Variants in IGSF9 observed in about 807,000 individuals in gnomAD.
The protein encoded by IGSF9 is immunoglobulin superfamily member 9, also known as protein turtle homolog A.
A neutral mutation model predicts 121.7 loss-of-function variants in IGSF9; 87 were observed. The observed-to-expected ratio is 0.71, with a 90% CI of 0.60 to 0.85. The LOEUF is 0.85. Ranked by LOEUF, IGSF9 falls within the 40% of genes least tolerant of loss-of-function variation. The pLI is 0.00. For synonymous variants in IGSF9, 640 were observed against 648.4 expected, an observed-to-expected ratio of 0.99 and a Z score of 0.20; for missense variants, 1,462 against 1,565.3, an observed-to-expected ratio of 0.93 and a Z score of 1.11.
In IGSF9 at chr1:159,942,953, G is replaced by A. The variant is rs751237416; in HGVS notation, c.247+10C>T. 3.7e-6 allele frequency: 6 copies of A among 1,609,950 alleles called. No individual in the cohort carries two copies. In the South Asian group the frequency reaches 6.6e-5, roughly 18 times the overall value. On this transcript the variant is annotated intron_variant, in intron 3 of 20. Coordinates refer to ENST00000368094, the MANE Select transcript of IGSF9 (RefSeq NM_001135050.2). ...TACCTCCCTACCTCCCACCTGAGGA[G>A]AACTCTTACCCACGTAATCAGGGTC...
At position 159,928,267 on chromosome 1, in the gene IGSF9, G is replaced by A; in HGVS notation, c.3121C>T (p.Pro1041Ser). 1 of 1,613,116 alleles carries A rather than the reference G, an allele frequency of 6.2e-7. No individual in the cohort carries two copies. The highest frequency in any genetic ancestry group is 2.2e-5 in the East Asian group (1 of 44,878). ...ASFLRPPSTA[P>S]SAGGSYLSPA... ...CTGAGGTAGCTGCCTCCTGCAGAGG[G>A]GGCTGTGGAGGGGGGCCGCAGGAAC... Residue 1041 changes from proline to serine, a missense_variant, in exon 19 of 21, where the codon CCC becomes TCC. Around this residue, in one of 3 missense-constraint regions of IGSF9, gnomAD observed 808 missense variants for 815.2 expected, o/e 0.99. Coordinates refer to ENST00000368094, the MANE Select transcript of IGSF9 (RefSeq NM_001135050.2).
rs755362848 is a variant in IGSF9, at chr1:159,932,503, C to T, written c.1245+9G>A. On this transcript the variant is annotated intron_variant, in intron 10 of 20. Coordinates refer to ENST00000368094, the MANE Select transcript of IGSF9 (RefSeq NM_001135050.2). The surrounding 1 kb of genome is among the most constrained non-coding windows in gnomAD (Gnocchi z 4.1). The stretch of plus-strand genomic sequence containing the variant: ...GTCACCACAGGCCCCCGCCCACCCC[C>T]GGCCTAACCTTGAGCAGCACGCGGG... 15 of 1,613,598 alleles carry T rather than the reference C, an allele frequency of 9.3e-6. No homozygotes were observed. Among genetic ancestry groups the T allele is most frequent in the African/African-American group, 1.3e-5 (1 of 74,870 alleles).
In IGSF9 at chr1:159,936,402, GCACT is replaced by G. The variant is rs772529772; in HGVS notation, c.666_669del (p.Val223Ter). On this transcript the variant is annotated frameshift_variant, in exon 6 of 21. Coordinates refer to ENST00000368094, the MANE Select transcript of IGSF9 (RefSeq NM_001135050.2). LOFTEE classifies it high-confidence loss of function. The stretch of plus-strand genomic sequence containing the variant: ...CAGCCCTCCCGCCAGAGAGCACCTA[GCACT>G]AGCAGCTGGGTGGCGTGGGTGGCGC... 6.2e-7 allele frequency: 1 copy of G among 1,613,566 alleles called. No individual in the cohort carries two copies. The highest frequency in any genetic ancestry group is 8.5e-7 in the Non-Finnish European group (1 of 1,179,594).
chr1:159,929,351 G>C lies in IGSF9; in HGVS notation c.2369C>G (p.Pro790Arg). Residue 790 changes from proline (P) to arginine (R), a missense_variant and splice_region_variant, in exon 18 of 21, where the codon CCC (proline) becomes CGC (arginine). This residue lies in a region of IGSF9 where 808 missense variants were observed against 815.2 expected (regional missense o/e 0.99). Transcript: ENST00000368094. ...IFSPTGKSAA[P>R]SALGSGSPDS... ...AAGCCAAGGAGGTGGAGGCACTTAC[G>C]GTGCAGCTGACTTCCCGGTCGGAGA... is the stretch of plus-strand genomic sequence containing the variant. 1 of 1,614,062 alleles carries C rather than the reference G, an allele frequency of 6.2e-7. No individual in the cohort carries two copies. Among genetic ancestry groups the C allele is most frequent in the Non-Finnish European group, 8.5e-7 (1 of 1,179,916 alleles).
intron 4 of IGSF9, 109 bp from the exon 5 acceptor site, chr1:159,937,017 G>T: frequency 1.8e-6 from 2 of 1,123,898 alleles, no homozygotes; most frequent in Non-Finnish European, 1.3e-6. Flanking sequence ...CCACCCACCA[G>T]CCCTGCCTCA....
Position 159,936,791 on chromosome 1 carries a change from C to A in IGSF9, c.518G>T (p.Arg173Leu). The A allele has an allele frequency of 2.5e-6, 4 of 1,614,218 alleles. No individual in the cohort carries two copies. The South Asian group carries it at 4.4e-5, about 18-fold the overall frequency. The part of the protein sequence containing the change: ...SPLPHVTWKL[R>L]GKDLGQGQGQ... ...CTGGCCCTGGCCAAGGTCCTTTCCTCGGAGCTTCCACGTCACATGAGGCAG... is the reference window on the plus strand; with the variant it reads ...CTGGCCCTGGCCAAGGTCCTTTCCTAGGAGCTTCCACGTCACATGAGGCAG... The change falls in exon 5 of 21, where the codon CGA (arginine) becomes CTA (leucine). Residue 173 changes from arginine to leucine, a missense_variant. Around this residue, in one of 3 missense-constraint regions of IGSF9, gnomAD observed 558 missense variants for 599.4 expected, o/e 0.93. Transcript: ENST00000368094.
chr1:159,943,762 G>A (rs1571223243), intron 1 of IGSF9, 134 bp from the exon 2 acceptor site: 1 of 342,376 alleles, frequency 2.9e-6, no homozygotes, highest in Non-Finnish European at 5.2e-6. Context: ...GGGGAAGGGG[G>A]GGATCTTGAA....
At chr1:159,942,936 T>C in intron 3 of IGSF9, 27 bp downstream of exon 3, 1 of 1,601,092 alleles carries the variant, frequency 6.2e-7, no homozygotes, top group South Asian at 1.1e-5. Context: ...GATACCTCCC[T>C]ACCTCCCACC....
Position 159,942,113 on chromosome 1 carries a change from C to T in IGSF9, c.247+850G>A, listed in dbSNP as rs529040480. Among the ~76,000 whole-genome samples the T allele has an allele frequency of 2.0e-5, 3 of 152,360 alleles. No individual in the cohort carries two copies. In the East Asian group the frequency reaches 5.8e-4, roughly 29 times the overall value. ...AAGAGGAGGCAACAAGACTCTCTCTCGCCCCATAGCCCAGACCTGTCCTTA... is the reference window on the plus strand; with the variant it reads ...AAGAGGAGGCAACAAGACTCTCTCTTGCCCCATAGCCCAGACCTGTCCTTA... On this transcript the variant is annotated intron_variant, in intron 3 of 20. Coordinates refer to ENST00000368094, the MANE Select transcript of IGSF9 (RefSeq NM_001135050.2).
intron 6 of IGSF9, 149 bp from the exon 7 acceptor site, chr1:159,934,971 C>T (rs967218528): frequency 4.8e-6 from 4 of 827,096 alleles, no homozygotes; most frequent in South Asian, 1.8e-5. Context: ...AGAAGCTTCC[C>T]CCTGTATGTA....
chr1:159,942,588 G>A (rs926739767), intron 3 of IGSF9, among the ~76,000 whole-genome samples: 5 of 152,214 alleles, frequency 3.3e-5, no homozygotes, highest in African/African-American at 1.2e-4. Context: ...AGGGCCAAGA[G>A]GGGAGACTAC....
intron 6 of IGSF9, 128 bp downstream of exon 6, chr1:159,936,271 C>T (rs1161368947): frequency 1.2e-6 from 1 of 805,062 alleles, no homozygotes; most frequent in Non-Finnish European, 2.1e-6. Context: ...TGGGAACCCC[C>T]TTAGCTTCCA....
chr1:159,944,804 T>A (rs560005576), intron 1 of IGSF9, among the ~76,000 whole-genome samples: 1 of 152,160 alleles, frequency 6.6e-6, no homozygotes, highest in Non-Finnish European at 1.5e-5. Flanking sequence ...TTGCCTCTAC[T>A]TAATGATCCT....
chr1:159,929,643 C>CG lies in IGSF9; in HGVS notation c.2320dup (p.Arg774ProfsTer26), dbSNP rs1557930692. The CG allele has an allele frequency of 6.3e-7, 1 of 1,594,226 alleles. No homozygotes were observed. Among genetic ancestry groups the CG allele is most frequent in the South Asian group, 1.1e-5 (1 of 87,766 alleles). ...CTGAGGGTGGAGGGACTTACCTTGGCGGAGGCGCTTGCGGCGGCGGCGGGC... is the reference window on the plus strand; with the variant it reads ...CTGAGGGTGGAGGGACTTACCTTGGCGGGAGGCGCTTGCGGCGGCGGCGGGC... On this transcript the variant is annotated frameshift_variant, in exon 17 of 21. Transcript: ENST00000368094. LOFTEE classifies it high-confidence loss of function.
Position 159,931,110 on chromosome 1 carries a change from A to T in IGSF9, c.1637+28T>A. 6.2e-7 allele frequency: 1 copy of T among 1,614,032 alleles called. No individual in the cohort carries two copies. Among genetic ancestry groups the T allele is most frequent in the East Asian group, 2.2e-5 (1 of 44,894 alleles). On this transcript the variant is annotated intron_variant, in intron 13 of 20. Transcript: ENST00000368094. This position sits in a 1 kb window ranked among gnomAD's most constrained non-coding sequence, Gnocchi z 4.8. ...AGAGGAAAGGAGGCAAGATTGGCAC[A>T]GAGAAATGGCAGGAGCAGGTCACTC...
Position 159,931,988 on chromosome 1 carries a change from C to T in IGSF9, c.1246-60G>A. ...TCTTACATCTAAGGCTGGCTACTCC[C>T]TCTCTCTGTGCTCCCTGTCATGCCA... On this transcript the variant is annotated intron_variant, in intron 10 of 20. Transcript: ENST00000368094. The surrounding 1 kb of genome is among the most constrained non-coding windows in gnomAD (Gnocchi z 4.8). The T allele has an allele frequency of 9.5e-7, 1 of 1,050,712 alleles. No homozygotes were observed. The highest frequency in any genetic ancestry group is 1.4e-6 in the Non-Finnish European group (1 of 703,264). The allele number at this position is 1,050,712 out of a possible 1,614,324, so 65.1% of individuals were successfully genotyped here. A position where few individuals can be genotyped will look rare whatever the true frequency, so the allele number is the denominator to read the frequency against.
rs368478330 is a variant in IGSF9 at position 159,928,472 on chromosome 1, G to A, written c.2916C>T (p.Thr972=). 1.3e-6 allele frequency: 2 copies of A among 1,590,056 alleles called. No homozygotes were observed. The highest frequency in any genetic ancestry group is 1.1e-5 in the South Asian group (1 of 88,800). ...GTGATTCCCTGGGGGATACAGGAGG[G>A]GTTTCTGGAGAACGAAGGAAAGATG... ...PTSSFLRSPE[T]PPVSPRESLP... The change falls in exon 19 of 21, where the codon ACC becomes ACT. Residue 972 remains threonine, a synonymous_variant. Transcript: ENST00000368094.
chr1:159,929,291 G>C, intron 18 of IGSF9, 60 bp downstream of exon 18: 15 of 1,570,152 alleles, frequency 9.6e-6, no homozygotes, highest in Non-Finnish European at 1.3e-5. Context: ...AAAGGAAGCA[G>C]AAGATACTGG....
Position 159,930,391 on chromosome 1 carries a change from G to C in IGSF9, c.1862C>G (p.Pro621Arg). 1 of 1,572,208 alleles carries C rather than the reference G, an allele frequency of 6.4e-7. No homozygotes were observed. The highest frequency in any genetic ancestry group is 8.6e-7 in the Non-Finnish European group (1 of 1,157,952). Residue 621 changes from proline to arginine, a missense_variant, in exon 15 of 21, where the codon CCG becomes CGG. Transcript: ENST00000368094. ...AAPGLPPTEI[P>R]PPLSPPRGLV... is the part of the protein sequence containing the mutation. The stretch of plus-strand genomic sequence containing the variant: ...ACCCCGCGGAGGGGACAGGGGAGGC[G>C]GTATCTCTGTTGGGGGAAGCCCGGG...
Sources: allele counts gnomAD v4.1 joint callset (sites outside exome capture counted in the v4.1 genomes callset), GRCh38; gene constraint gnomAD v4.1.1; regional missense constraint gnomAD v4.1.1; non-coding constraint Gnocchi (gnomAD v3.1); transcripts MANE v1.5; gene names NCBI Gene and HGNC (gene_info 2026-07-23, HGNC 2026-07-21).